Variants in MIA2 observed in about 807,000 individuals in gnomAD.
MIA2 encodes MIA SH3 domain ER export factor 2, also known as melanoma inhibitory activity protein 2.
In MIA2, 127 loss-of-function variants were observed where a neutral mutation model predicts 167.8. The observed-to-expected ratio is 0.76, with a 90% confidence interval of 0.66 to 0.88. The LOEUF is 0.88. Among genes scored for constraint, MIA2 ranks in the 40% least tolerant of loss-of-function variants. MIA2 has a pLI of 0.00. For synonymous variants in MIA2, 552 were observed against 541.9 expected, an observed-to-expected ratio of 1.02 and a Z score of -0.26; for missense variants, 1,690 against 1,624.7, an observed-to-expected ratio of 1.04 and a Z score of -0.69.
chr14:39,289,184 G>A (rs554293120), intron 9 of MIA2, among the ~76,000 whole-genome samples: 1 of 150,696 alleles, frequency 6.6e-6, no homozygotes, highest in African/African-American at 2.4e-5. Flanking sequence ...CAGAGGATTA[G>A]TCTGTTTTTG....
rs3065036 is a variant in MIA2 at position 39,269,074 on chromosome 14, G to GTTTTTTTTTTTTTTTT, written c.1888-7850_1888-7835dup. On this transcript the variant is annotated intron_variant, in intron 6 of 28. Transcript: ENST00000640607. ...GGTGCGTTGTATCTTCACCTGCACA[G>GTTTTTTTTTTTTTTTT]TTTTTTTTTTTTTTTTTTTTTTTTT... 72 of 583,212 alleles carry GTTTTTTTTTTTTTTTT rather than the reference G, an allele frequency of 1.2e-4. 6 individuals carry two copies. The highest frequency in any genetic ancestry group is 3.0e-4 in the Admixed American group (2 of 6,576). 36.1% of individuals were successfully genotyped at this position (583,212 alleles called of 1,614,324 possible).
intron 24 of MIA2, among the ~76,000 whole-genome samples, chr14:39,323,106 C>T (rs1247105051): frequency 6.6e-6 from 1 of 152,196 alleles, no homozygotes; most frequent in African/African-American, 2.4e-5. Context: ...TTTGGAATTG[C>T]TTTCAAATAA....
intron 3 of MIA2, among the ~76,000 whole-genome samples, chr14:39,240,965 T>G (rs1047077458): frequency 3.3e-5 from 5 of 152,302 alleles, no homozygotes; most frequent in African/African-American, 1.2e-4. Context: ...CTGGTATGCC[T>G]CAATTTCCTT....
intron 23 of MIA2, among the ~76,000 whole-genome samples, chr14:39,381,221 TAAGAGGA>T: frequency 6.6e-6 from 1 of 152,090 alleles, no homozygotes; most frequent in South Asian, 2.1e-4. Flanking sequence ...CAGAAGGTGG[TAAGAGGA>T]AGGAAAGATA....
At chr14:39,343,116 A>G (rs79870915) in intron 25 of MIA2, among the ~76,000 whole-genome samples, 3,059 of 152,242 alleles carry the variant, frequency 0.02, 105 homozygotes, top group African/African-American at 0.067. Flanking sequence ...ATTCCTAGGT[A>G]ATAGGGTATG....
intron 6 of MIA2, among the ~76,000 whole-genome samples, chr14:39,273,616 A>G (rs1002479808): frequency 9.3e-5 from 14 of 149,928 alleles, no homozygotes; most frequent in African/African-American, 3.4e-4. Flanking sequence ...TTTTCTCTTC[A>G]TTTTCTTAAT....
chr14:39,298,169 A>AT (rs986750323), intron 13 of MIA2, among the ~76,000 whole-genome samples: 4 of 151,844 alleles, frequency 2.6e-5, no homozygotes, highest in African/African-American at 9.7e-5. Flanking sequence ...CTTGGAAAAT[A>AT]TTTCACCTAG....
At chr14:39,326,120 A>G (rs1014955985) in intron 24 of MIA2, among the ~76,000 whole-genome samples, 4 of 152,260 alleles carry the variant, frequency 2.6e-5, no homozygotes, top group African/African-American at 9.6e-5. Context: ...TTTCTTATCC[A>G]AAAGAATGTT....
chr14:39,282,565 A>G (rs1239405766), intron 9 of MIA2, among the ~76,000 whole-genome samples: 1 of 152,024 alleles, frequency 6.6e-6, no homozygotes, highest in Non-Finnish European at 1.5e-5. Flanking sequence ...TAACTTGTTC[A>G]TCCCATATAT....
At chr14:39,340,005 C>A (rs886618248) in intron 25 of MIA2, among the ~76,000 whole-genome samples, 1 of 152,066 alleles carries the variant, frequency 6.6e-6, no homozygotes, top group Non-Finnish European at 1.5e-5. Flanking sequence ...ACCACTAATG[C>A]CTAATTTTTA....
chr14:39,327,145 G>T (rs1300368019), intron 25 of MIA2, 123 bp downstream of exon 25: 4 of 665,402 alleles, frequency 6.0e-6, no homozygotes, highest in Non-Finnish European at 8.9e-6. Context: ...GTACATTTTT[G>T]AAAACAACAA....
chr14:39,316,444 A>G (rs1032196817), intron 21 of MIA2, among the ~76,000 whole-genome samples: 1 of 152,194 alleles, frequency 6.6e-6, no homozygotes, highest in African/African-American at 2.4e-5. Flanking sequence ...CTTACGTGTA[A>G]GATAGAGATA....
chr14:39,303,356 A>G, intron 15 of MIA2, 122 bp from the exon 16 acceptor site: 1 of 713,546 alleles, frequency 1.4e-6, no homozygotes, highest in Non-Finnish European at 2.3e-6. Flanking sequence ...CAAATTCTTT[A>G]TTGTAGCAAG....
intron 20 of MIA2, chr14:39,315,028 A>C (rs2065122014): frequency 2.8e-6 from 1 of 359,028 alleles, no homozygotes; most frequent in Non-Finnish European, 4.9e-6. Flanking sequence ...CACACCAGTA[A>C]TCCCAGCACT....
Position 39,350,265 on chromosome 14 carries a change from C to T in MIA2, c.*1C>T, listed in dbSNP as rs1336579355. On this transcript the variant is annotated 3_prime_UTR_variant, in exon 29 of 29. Coordinates refer to ENST00000640607, the MANE Select transcript of MIA2 (RefSeq NM_001329214.4). Reference sequence around the variant, plus strand: ...TCCAGAACCACAGCAAGAAACCTGACAATATTTTTGCTCTCTTCAAAAGTA... The same window carrying T: ...TCCAGAACCACAGCAAGAAACCTGATAATATTTTTGCTCTCTTCAAAAGTA... 2 of 1,432,950 alleles carry T rather than the reference C, an allele frequency of 1.4e-6. No homozygotes were observed. The highest frequency in any genetic ancestry group is 5.4e-5 in the East Asian group (2 of 37,082). 88.8% of individuals were successfully genotyped at this position (1,432,950 alleles called of 1,614,324 possible).
At chr14:39,252,643 A>G in intron 4 of MIA2, 105 bp from the exon 5 acceptor site, 1 of 734,254 alleles carries the variant, frequency 1.4e-6, no homozygotes, top group Admixed American at 2.6e-5. Context: ...AAGTATCATA[A>G]TGACCTACAA....
chr14:39,294,952 A>G lies in MIA2; in HGVS notation c.2419A>G (p.Met807Val), dbSNP rs751607750. The G allele has an allele frequency of 6.2e-7, 1 of 1,613,204 alleles. No individual in the cohort carries two copies. The highest frequency in any genetic ancestry group is 1.1e-5 in the South Asian group (1 of 90,924). Residue 807 changes from methionine (M) to valine (V), a missense_variant, in exon 13 of 29, where the codon ATG (methionine) becomes GTG (valine). By Grantham distance (21) the Met-to-Val change is conservative. Coordinates refer to ENST00000640607, the MANE Select transcript of MIA2 (RefSeq NM_001329214.4). ...EAKMTFKIFQ[M>V]NEERLKIAIK... The stretch of plus-strand genomic sequence containing the variant: ...CAAAATGACCTTCAAGATATTTCAA[A>G]TGAATGAAGAACGACTGAAGATAGC...
intron 3 of MIA2, among the ~76,000 whole-genome samples, chr14:39,242,442 C>T (rs1001032976): frequency 4.0e-5 from 6 of 151,892 alleles, no homozygotes; most frequent in African/African-American, 1.5e-4. Context: ...CCTGCCTCAG[C>T]CTTCCAAGTA....
chr14:39,261,948 C>T (rs2055139271), intron 6 of MIA2, among the ~76,000 whole-genome samples: 1 of 152,102 alleles, frequency 6.6e-6, no homozygotes, highest in Non-Finnish European at 1.5e-5. Context: ...GTTGCCTGTT[C>T]ACTCTGATGG....
Sources: gnomAD v4.1 joint callset for allele counts (sites outside exome capture counted in the v4.1 genomes callset) on GRCh38, gnomAD v4.1.1 for gene constraint, MANE v1.5 for transcripts, NCBI Gene and HGNC (gene_info 2026-07-23, HGNC 2026-07-21) for gene names.